ATG4A: variants seen among roughly 807,000 people sequenced by gnomAD.
ATG4A encodes the protein autophagy related 4A cysteine peptidase.
A neutral mutation model predicts 38.4 loss-of-function variants in ATG4A; 22 were observed. That is an observed-to-expected ratio of 0.57 (90% confidence interval 0.41 to 0.82). The LOEUF is 0.82. Among genes scored for constraint, ATG4A ranks in the 40% least tolerant of loss-of-function variants. The probability of loss-of-function intolerance (pLI) is 0.00; values close to 1 mark genes in which losing one functional copy is unlikely to be tolerated. For missense variants in ATG4A, 220 were observed against 290.0 expected (o/e 0.76, Z 1.75); for synonymous variants, 86 against 100.7 (o/e 0.85, Z 0.88).
At chrX:108,128,496 C>T (rs1238508346) in intron 2 of ATG4A, among the ~76,000 whole-genome samples, 1 of 111,496 alleles carries the variant, frequency 9.0e-6, no homozygotes, top group Non-Finnish European at 1.9e-5. Flanking sequence ...TGTCTTTTGG[C>T]AATGATCCCA....
rs747367634 is a variant in ATG4A at position 108,134,442 on chromosome X, T to C, written c.467+31T>C. The stretch of plus-strand genomic sequence containing the variant: ...TAAAAGAGTCTGGCATCTGCCTTAT[T>C]CTGCTGTCTCCTATGCTTCCCTCCC... On this transcript the variant is annotated intron_variant, in intron 6 of 12. Transcript: ENST00000372232. The C allele has an allele frequency of 6.0e-6, 7 of 1,158,738 alleles. No individual in the cohort carries two copies. The South Asian group carries it at 7.6e-5, about 13-fold the overall frequency.
At chrX:108,110,222 T>C (rs1274905889) in intron 1 of ATG4A, among the ~76,000 whole-genome samples, 5 of 103,170 alleles carry the variant, frequency 4.8e-5, no homozygotes, top group African/African-American at 1.8e-4. Context: ...AAAAAAAAAT[T>C]AGCTGGGCGT....
chrX:108,140,939 T>TAC (rs2033233740), intron 9 of ATG4A, among the ~76,000 whole-genome samples: 1 of 40,736 alleles, frequency 2.5e-5, no homozygotes, highest in South Asian at 7.4e-4. Flanking sequence ...TATATATACA[T>TAC]ATATATACAC....
At chrX:108,114,751 T>G (rs1004865219) in intron 1 of ATG4A, among the ~76,000 whole-genome samples, 21 of 103,879 alleles carry the variant, frequency 2.0e-4, no homozygotes, top group African/African-American at 7.4e-4. Context: ...AAGTCTCTAG[T>G]TAGAGGTTAG....
chrX:108,137,788 G>A lies in ATG4A; in HGVS notation c.548-16G>A. 1 of 1,146,453 alleles carries A rather than the reference G, an allele frequency of 8.7e-7. No homozygotes were observed. Among genetic ancestry groups the A allele is most frequent in the South Asian group, 2.1e-5 (1 of 46,627 alleles). 94.5% of individuals were successfully genotyped at this position (1,146,453 alleles called of 1,213,427 possible). On this transcript the variant is annotated splice_polypyrimidine_tract_variant and intron_variant, in intron 7 of 12. Transcript: ENST00000372232. ...AGACTCCTTACTTATCCAATATTCT[G>A]TTCTTCCATTTCTAGAAAAAATGTG...
intron 1 of ATG4A, among the ~76,000 whole-genome samples, chrX:108,102,030 T>G (rs1288711411): frequency 8.1e-5 from 9 of 111,440 alleles, no homozygotes; most frequent in Admixed American, 2.9e-4. Context: ...GCAATGAACA[T>G]AGGAGTACAA....
chrX:108,115,556 A>T (rs940878162), intron 1 of ATG4A, among the ~76,000 whole-genome samples: 1 of 112,418 alleles, frequency 8.9e-6, no homozygotes, highest in African/African-American at 3.2e-5. Flanking sequence ...TTTGTTTAAC[A>T]TGATGTCTGT....
At chrX:108,089,297 C>T (rs1408679462), upstream of ATG4A, among the ~76,000 whole-genome samples, 1 of 111,251 alleles carries the variant, frequency 9.0e-6, no homozygotes, top group Non-Finnish European at 1.9e-5. Context: ...AACTTGTGGA[C>T]GGTCATATGG....
At chrX:108,091,473 G>A, upstream of ATG4A, 3 of 1,212,265 alleles carry the variant, frequency 2.5e-6, no homozygotes, top group Non-Finnish European at 3.4e-6. Context: ...CCAGCTTCCC[G>A]CTGTAGGCCA....
At chrX:108,141,071 C>CATATATATATATATATATATATAT (rs139918190) in intron 9 of ATG4A, among the ~76,000 whole-genome samples, 1 of 35,048 alleles carries the variant, frequency 2.9e-5, no homozygotes, top group Non-Finnish European at 4.7e-5. Context: ...TATATATATA[C>CATATATATATATATATATATATAT]ATATATATAT....
intron 9 of ATG4A, among the ~76,000 whole-genome samples, chrX:108,142,561 A>C (rs1325366203): frequency 9.0e-6 from 1 of 110,835 alleles, no homozygotes; most frequent in Non-Finnish European, 1.9e-5. Flanking sequence ...GTATTAACTC[A>C]CATGATCACA....
intron 1 of ATG4A, among the ~76,000 whole-genome samples, chrX:108,102,907 G>T (rs1354093533): frequency 1.8e-5 from 2 of 108,995 alleles, no homozygotes. Flanking sequence ...GTGTGTCATG[G>T]TGATTTGCTG....
At chrX:108,102,033 GA>G (rs1235083852) in intron 1 of ATG4A, among the ~76,000 whole-genome samples, 2 of 111,174 alleles carry the variant, frequency 1.8e-5, no homozygotes, top group African/African-American at 6.5e-5. Context: ...ATGAACATAG[GA>G]GTACAAATAT....
intron 11 of ATG4A, 77 bp from the exon 12 acceptor site, chrX:108,152,902 A>G (rs2033622769): frequency 8.0e-6 from 6 of 753,513 alleles, no homozygotes; most frequent in Middle Eastern, 3.0e-4. Flanking sequence ...CCACTGTCTC[A>G]GGGTTTGGGG....
intron 9 of ATG4A, 133 bp downstream of exon 9, chrX:108,138,324 G>C (rs1163373137): frequency 3.1e-5 from 17 of 547,241 alleles, no homozygotes; most frequent in Non-Finnish European, 6.2e-6. Flanking sequence ...CCTCTGGTCA[G>C]CTCCTTCTGT....
chrX:108,150,327 A>G, intron 10 of ATG4A, 30 bp downstream of exon 10: 1 of 1,209,677 alleles, frequency 8.3e-7, no homozygotes, highest in Non-Finnish European at 1.1e-6. Flanking sequence ...GTGGGCCAGG[A>G]GATACGATGT....
intron 9 of ATG4A, among the ~76,000 whole-genome samples, chrX:108,146,105 A>C (rs1377454258): frequency 2.7e-5 from 3 of 111,543 alleles, no homozygotes; most frequent in African/African-American, 9.8e-5. Context: ...AGAGCGATTC[A>C]CTGCATAAAT....
At position 108,100,717 on chromosome X, in the gene ATG4A, T is replaced by A. The variant is rs185481945; in HGVS notation, c.10+8881T>A. Among the ~76,000 whole-genome samples the A allele has an allele frequency of 4.4e-5, 5 of 112,369 alleles. No individual in the cohort carries two copies. The East Asian group carries it at 1.4e-3, about 31-fold the overall frequency. On this transcript the variant is annotated intron_variant, in intron 1 of 12. Transcript: ENST00000372232. ...GCTAATGCAGTGGATTACACTAATT[T>A]ATTTTCAAATGTTGAGCTAGCCTTG...
intron 9 of ATG4A, among the ~76,000 whole-genome samples, chrX:108,140,152 C>A (rs1295810193): frequency 2.7e-5 from 3 of 111,367 alleles, no homozygotes; most frequent in Non-Finnish European, 3.8e-5. Context: ...TTCCTGGGTG[C>A]CCTGGCCTCC....
Sources: gnomAD v4.1 joint callset for allele counts (sites outside exome capture counted in the v4.1 genomes callset) on GRCh38, gnomAD v4.1.1 for gene constraint, MANE v1.5 for transcripts, NCBI Gene and HGNC (gene_info 2026-07-23, HGNC 2026-07-21) for gene names.